Variants in TMEM230 observed in about 807,000 individuals in gnomAD.
The protein encoded by TMEM230 is UPF0414 transmembrane protein C20orf30.
In TMEM230, 10 loss-of-function variants were observed where a neutral mutation model predicts 15.8. The observed-to-expected ratio is 0.63, with a 90% CI of 0.39 to 1.07. The LOEUF is 1.07. TMEM230 is among the 50% of genes least tolerant of loss of function. The pLI, the probability that TMEM230 is intolerant of heterozygous loss-of-function variation, is 0.01. For missense variants in TMEM230, 165 were observed against 193.3 expected (o/e 0.85, Z 0.87); for synonymous variants, 67 against 76.9 (o/e 0.87, Z 0.68).
At chr20:5,074,028 G>A (rs2122557581) in intron 3 of TMEM230, among the ~76,000 whole-genome samples, 1 of 152,216 alleles carries the variant, frequency 6.6e-6, no homozygotes, top group Middle Eastern at 3.4e-3. Flanking sequence ...CAAGGCGGGG[G>A]AGGGGCCACA....
intron 3 of TMEM230, among the ~76,000 whole-genome samples, chr20:5,091,919 A>T (rs1007595441): frequency 6.6e-6 from 1 of 152,226 alleles, no homozygotes; most frequent in Non-Finnish European, 1.5e-5. Context: ...ACAGAGCTGC[A>T]TTCAAAGTTC....
intron 3 of TMEM230, among the ~76,000 whole-genome samples, chr20:5,075,558 C>G (rs1600278903): frequency 1.3e-5 from 2 of 151,156 alleles, no homozygotes; most frequent in East Asian, 4.0e-4. Context: ...AACCCCATCT[C>G]TACTAAAAAT....
the TMEM230 span, among the ~76,000 whole-genome samples, chr20:5,059,816 C>T: frequency 7.2e-6 from 1 of 139,146 alleles, no homozygotes; most frequent in Non-Finnish European, 1.5e-5. Flanking sequence ...CGCTCTGTCG[C>T]CCAGGCTGGA....
intron 1 of TMEM230, among the ~76,000 whole-genome samples, chr20:5,112,170 A>T (rs2090353568): frequency 6.6e-6 from 1 of 152,254 alleles, no homozygotes; most frequent in Non-Finnish European, 1.5e-5. Context: ...CTTGCAGTCA[A>T]TGTAAAATAA....
downstream of TMEM230, chr20:5,067,424 T>TATATATAC (rs2088680504): frequency 1.0e-4 from 1 of 9,632 alleles, no homozygotes; most frequent in Non-Finnish European, 1.9e-4. Context: ...TATATATATA[T>TATATATAC]ATATATATAT....
chr20:5,094,148 G>A (rs745777109), intron 3 of TMEM230, among the ~76,000 whole-genome samples: 15 of 151,118 alleles, frequency 9.9e-5, no homozygotes, highest in South Asian at 6.3e-4. Context: ...TAGTTGAGAC[G>A]GCGTTTCACC....
At chr20:5,112,695 GC>G in intron 1 of TMEM230, 1 of 1,413,908 alleles carries the variant, frequency 7.1e-7, no homozygotes, top group Non-Finnish European at 9.2e-7. Flanking sequence ...AAAACGTTTG[GC>G]ACACAGTGCC....
chr20:5,106,072 C>T (rs909116773), intron 4 of TMEM230, 116 bp downstream of exon 3: 87 of 1,321,136 alleles, frequency 6.6e-5, no homozygotes, highest in African/African-American at 9.2e-5. Flanking sequence ...ACCACTGGGA[C>T]GGACAAACAC....
At chr20:5,077,355 G>T (rs920631449) in intron 3 of TMEM230, among the ~76,000 whole-genome samples, 4 of 152,058 alleles carry the variant, frequency 2.6e-5, no homozygotes, top group Non-Finnish European at 4.4e-5. Context: ...CTGAGTCCCA[G>T]CTATCTGACA....
chr20:5,095,986 G>A (rs896830524), downstream of TMEM230, among the ~76,000 whole-genome samples: 3 of 152,178 alleles, frequency 2.0e-5, no homozygotes, highest in Non-Finnish European at 4.4e-5. Context: ...TTTTCCAGAG[G>A]ATTGGAGCAC....
chr20:5,102,800 A>G (rs1441109604), intron 4 of TMEM230, among the ~76,000 whole-genome samples: 1 of 152,162 alleles, frequency 6.6e-6, no homozygotes, highest in Non-Finnish European at 1.5e-5. Context: ...CTGATACCAA[A>G]ACTAGGCAAA....
At chr20:5,071,087 A>G (rs146818117) in intron 3 of TMEM230, among the ~76,000 whole-genome samples, 167 of 152,330 alleles carry the variant, frequency 1.1e-3, no homozygotes, top group African/African-American at 3.5e-3. Flanking sequence ...AGGGTACTCA[A>G]TACTCAAGAG....
chr20:5,111,900 T>C, intron 1 of TMEM230: 1 of 532,130 alleles, frequency 1.9e-6, no homozygotes, highest in South Asian at 8.2e-5. Flanking sequence ...AGGCTAGAGT[T>C]TAGGGACCCG....
chr20:5,092,130 A>C (rs1273600041), intron 3 of TMEM230, among the ~76,000 whole-genome samples: 1 of 152,182 alleles, frequency 6.6e-6, no homozygotes, highest in Non-Finnish European at 1.5e-5. Context: ...TAATCTCCAC[A>C]CACTGAGATA....
chr20:5,070,052 G>A (rs2088772312), intron 3 of TMEM230, among the ~76,000 whole-genome samples: 1 of 152,086 alleles, frequency 6.6e-6, no homozygotes, highest in South Asian at 2.1e-4. Context: ...AGTGACTTAA[G>A]AGTGGAAGGG....
At chr20:5,095,529 G>A (rs1476152815), downstream of TMEM230, among the ~76,000 whole-genome samples, 2 of 152,182 alleles carry the variant, frequency 1.3e-5, no homozygotes, top group Non-Finnish European at 2.9e-5. Context: ...GACTTTGGGA[G>A]TTACTGTCTT....
chr20:5,102,533 A>C (rs1314261359), intron 4 of TMEM230, among the ~76,000 whole-genome samples: 1 of 151,574 alleles, frequency 6.6e-6, no homozygotes, highest in Non-Finnish European at 1.5e-5. Flanking sequence ...TTGACAAAAA[A>C]TACAAAAATT....
chr20:5,113,070 G>T lies in TMEM230; in HGVS notation c.-42C>A, dbSNP rs1158776489. 7 of 1,538,614 alleles carry T rather than the reference G, an allele frequency of 4.5e-6. No homozygotes were observed. The highest frequency in any genetic ancestry group is 2.0e-5 in the Admixed American group (1 of 50,724). On this transcript the variant is annotated 5_prime_UTR_variant, in exon 1 of 5. Transcript: ENST00000342308. Reference sequence around the variant, plus strand: ...GTGCCACTCAGCCGGCCCCAGGCGGGATCAGTGCGCCGGAAGTGGCGTGCC... The same window carrying T: ...GTGCCACTCAGCCGGCCCCAGGCGGTATCAGTGCGCCGGAAGTGGCGTGCC...
chr20:5,077,602 G>A (rs2089044634), intron 3 of TMEM230, among the ~76,000 whole-genome samples: 1 of 152,074 alleles, frequency 6.6e-6, no homozygotes, highest in African/African-American at 2.4e-5. Context: ...GGGGGGCTGA[G>A]GTGGGTGGAT....
Sources: gnomAD v4.1 joint callset for allele counts (sites outside exome capture counted in the v4.1 genomes callset) on GRCh38, gnomAD v4.1.1 for gene constraint, MANE v1.5 for transcripts, NCBI Gene and HGNC (gene_info 2026-07-23, HGNC 2026-07-21) for gene names.